Variants in L3MBTL3 observed in about 807,000 individuals in gnomAD.
L3MBTL3 encodes lethal(3)malignant brain tumor-like protein 3.
Under a neutral mutation model 102.3 loss-of-function variants are expected in L3MBTL3, and 27 were observed. That is an observed-to-expected ratio of 0.26 (90% CI 0.19 to 0.36). L3MBTL3 has a LOEUF of 0.36. Ranked by LOEUF, L3MBTL3 falls within the 10% of genes least tolerant of loss-of-function variation. The pLI, the probability that L3MBTL3 is intolerant of heterozygous loss-of-function variation, is 1.00. For missense variants in L3MBTL3, 798 were observed against 955.3 expected, an observed-to-expected ratio of 0.84 and a Z score of 2.17; for synonymous variants, 340 against 320.9, an observed-to-expected ratio of 1.06 and a Z score of -0.64.
chr6:130,136,630 T>C (rs1314971862), intron 22 of L3MBTL3, among the ~76,000 whole-genome samples: 1 of 151,712 alleles, frequency 6.6e-6, no homozygotes, highest in African/African-American at 2.4e-5. Flanking sequence ...ATCACCTTTT[T>C]TTTTTGAGAC....
intron 2 of L3MBTL3, among the ~76,000 whole-genome samples, chr6:130,029,172 G>A (rs997535289): frequency 6.6e-6 from 1 of 152,202 alleles, no homozygotes; most frequent in East Asian, 1.9e-4. Flanking sequence ...TATAATCAGT[G>A]TATAGATTCT....
chr6:130,076,606 T>C (rs1384947734), intron 13 of L3MBTL3, among the ~76,000 whole-genome samples: 8 of 152,178 alleles, frequency 5.3e-5, no homozygotes, highest in Non-Finnish European at 1.2e-4. Context: ...TTTCATGATA[T>C]ACATAAAAAC....
intron 19 of L3MBTL3, among the ~76,000 whole-genome samples, chr6:130,114,904 T>C (rs1785565898): frequency 6.6e-6 from 1 of 152,186 alleles, no homozygotes; most frequent in African/African-American, 2.4e-5. Flanking sequence ...CTGAAGCTCC[T>C]CAAGTACAGT....
chr6:130,060,150 G>A lies in L3MBTL3; in HGVS notation c.864+10G>A, dbSNP rs771503291. ...CCTCACCGTCGCGGAGGTAAGCTTT[G>A]CCTCGTCCTTTATTTTTAAAATAAA... On this transcript the variant is annotated intron_variant, in intron 10 of 22. Coordinates refer to ENST00000361794, the MANE Select transcript of L3MBTL3 (RefSeq NM_032438.4). The A allele has an allele frequency of 2.0e-6, 3 of 1,478,348 alleles. No individual in the cohort carries two copies. The highest frequency in any genetic ancestry group is 1.3e-5 in the South Asian group (1 of 79,994). 91.6% of individuals were successfully genotyped at this position (1,478,348 alleles called of 1,614,324 possible). A position where few individuals can be genotyped will look rare whatever the true frequency, so the allele number is the denominator to read the frequency against.
intron 8 of L3MBTL3, among the ~76,000 whole-genome samples, chr6:130,055,878 T>C (rs1781471687): frequency 6.6e-6 from 1 of 151,096 alleles, no homozygotes; most frequent in Non-Finnish European, 1.5e-5. Context: ...TCTTCTGTCT[T>C]CTCTTCCCTT....
chr6:130,038,140 G>A (rs1278328882), intron 2 of L3MBTL3, among the ~76,000 whole-genome samples: 1 of 151,954 alleles, frequency 6.6e-6, no homozygotes, highest in Non-Finnish European at 1.5e-5. Flanking sequence ...TCCTGTGTGT[G>A]TATAAACCAC....
At chr6:130,034,269 C>T (rs1202867319) in intron 2 of L3MBTL3, among the ~76,000 whole-genome samples, 1 of 152,120 alleles carries the variant, frequency 6.6e-6, no homozygotes, top group Admixed American at 6.5e-5. Flanking sequence ...TTTGTGAGGT[C>T]AATGTCCGCA....
chr6:130,081,096 T>C (rs547154541), intron 14 of L3MBTL3, among the ~76,000 whole-genome samples: 6 of 152,232 alleles, frequency 3.9e-5, no homozygotes, highest in Non-Finnish European at 8.8e-5. Context: ...ACACGCAGCC[T>C]CTCTTTATTG....
intron 2 of L3MBTL3, among the ~76,000 whole-genome samples, chr6:130,024,338 T>C (rs1779198200): frequency 6.6e-6 from 1 of 152,186 alleles, no homozygotes; most frequent in Admixed American, 6.5e-5. Flanking sequence ...CTATCTATTA[T>C]TATTTTTGAT....
Position 130,140,665 on chromosome 6 carries a change from A to C in L3MBTL3, c.*912A>C, listed in dbSNP as rs13218274. The C allele has an allele frequency of 0.063, 9,516 of 152,248 alleles. 399 individuals carry two copies. The highest frequency in any genetic ancestry group is 0.092 in the Non-Finnish European group (6,287 of 68,030). The allele number at this position is 152,248 out of a possible 1,614,324, so 9.4% of individuals were successfully genotyped here. On this transcript the variant is annotated 3_prime_UTR_variant, in exon 23 of 23. Transcript: ENST00000361794. ...CTTGAGCTTCTAATTTTCATTGATG[A>C]AATTGTGGTGGTTTACAGAGACTAA...
chr6:130,100,545 A>G (rs527714168), intron 18 of L3MBTL3, among the ~76,000 whole-genome samples: 33 of 152,058 alleles, frequency 2.2e-4, no homozygotes, highest in African/African-American at 6.5e-4. Flanking sequence ...CCCTTGGTAG[A>G]TCATTAGTAA....
At chr6:130,070,894 G>T in intron 12 of L3MBTL3, 82 bp from the exon 13 acceptor site, 2 of 875,530 alleles carry the variant, frequency 2.3e-6, no homozygotes, top group South Asian at 4.4e-5. Context: ...CTGGGCCTTT[G>T]AGCAGGAGGT....
intron 19 of L3MBTL3, among the ~76,000 whole-genome samples, chr6:130,114,460 A>G (rs762833717): frequency 6.6e-6 from 1 of 152,234 alleles, no homozygotes; most frequent in Non-Finnish European, 1.5e-5. Context: ...CTTAAGAGAC[A>G]TCATCTTTAT....
intron 3 of L3MBTL3, among the ~76,000 whole-genome samples, chr6:130,046,429 T>C (rs1015180765): frequency 6.6e-6 from 1 of 152,234 alleles, no homozygotes; most frequent in Admixed American, 6.5e-5. Flanking sequence ...ACCTCAACAG[T>C]ATCTTCTAAT....
At chr6:130,070,499 T>G (rs142542806) in intron 12 of L3MBTL3, among the ~76,000 whole-genome samples, 2 of 152,330 alleles carry the variant, frequency 1.3e-5, no homozygotes, top group East Asian at 3.9e-4. Context: ...GAGAGTACTC[T>G]TTTGAGAGAT....
chr6:130,125,795 C>T (rs925435126), intron 20 of L3MBTL3, among the ~76,000 whole-genome samples: 2 of 152,088 alleles, frequency 1.3e-5, no homozygotes, highest in African/African-American at 4.8e-5. Context: ...CTAGAGGAGA[C>T]TTGAGAAACC....
intron 8 of L3MBTL3, among the ~76,000 whole-genome samples, chr6:130,055,595 C>G (rs1156333726): frequency 1.7e-5 from 2 of 114,446 alleles, no homozygotes; most frequent in African/African-American, 6.9e-5. Context: ...TCCCTCTCTC[C>G]CTCCCTCTCT....
chr6:130,104,273 T>C (rs1233340311), intron 18 of L3MBTL3, among the ~76,000 whole-genome samples, 153 bp from the exon 19 acceptor site: 2 of 152,268 alleles, frequency 1.3e-5, no homozygotes, highest in African/African-American at 4.8e-5. Context: ...AGATAAAATA[T>C]GCTGTATGTA....
intron 1 of L3MBTL3, chr6:130,020,586 G>C (rs1345471433): frequency 1.3e-5 from 2 of 149,538 alleles, no homozygotes; most frequent in African/African-American, 5.0e-5. Context: ...TGTCCGTCGC[G>C]CTCAGAGGGA....
Sources: allele counts gnomAD v4.1 joint callset (sites outside exome capture counted in the v4.1 genomes callset), GRCh38; gene constraint gnomAD v4.1.1; transcripts MANE v1.5; gene names NCBI Gene and HGNC (gene_info 2026-07-23, HGNC 2026-07-21).